The following RASGRF2 variants were observed in gnomAD, a reference collection of about 807,000 sequenced individuals.
The protein encoded by RASGRF2 is ras-specific guanine nucleotide-releasing factor 2.
A neutral mutation model predicts 151.0 loss-of-function variants in RASGRF2; 76 were observed. That is an observed-to-expected ratio of 0.50 (90% CI 0.42 to 0.61). The LOEUF (loss-of-function observed/expected upper bound fraction) is 0.61. Ranked by LOEUF, RASGRF2 falls within the 20% of genes least tolerant of loss-of-function variation. The pLI is 0.00. For synonymous variants in RASGRF2, 504 were observed against 566.5 expected, an observed-to-expected ratio of 0.89 and a Z score of 1.57; for missense variants, 1,148 against 1,564.6, an observed-to-expected ratio of 0.73 and a Z score of 4.49.
At chr5:81,040,216 C>T (rs1193010328) in intron 1 of RASGRF2, among the ~76,000 whole-genome samples, 2 of 151,818 alleles carry the variant, frequency 1.3e-5, no homozygotes, top group African/African-American at 4.8e-5. Flanking sequence ...ATTATATTTC[C>T]CAGGATGATC....
chr5:81,053,987 G>A (rs1331975668), intron 2 of RASGRF2, among the ~76,000 whole-genome samples: 1 of 152,070 alleles, frequency 6.6e-6, no homozygotes, highest in Non-Finnish European at 1.5e-5. Flanking sequence ...GTTTTTTCTT[G>A]TAAATTTGTT....
chr5:81,118,418 G>A (rs906021065), intron 15 of RASGRF2, among the ~76,000 whole-genome samples: 1 of 152,190 alleles, frequency 6.6e-6, no homozygotes, highest in Non-Finnish European at 1.5e-5. Flanking sequence ...AGGAATGTGG[G>A]GAGCAGCCCT....
At chr5:81,031,617 A>G (rs1050220851) in intron 1 of RASGRF2, among the ~76,000 whole-genome samples, 7 of 152,252 alleles carry the variant, frequency 4.6e-5, no homozygotes, top group African/African-American at 1.4e-4. Flanking sequence ...CAAAGACACC[A>G]CATACCCAAA....
At chr5:81,218,412 A>G (rs1199516381) in intron 25 of RASGRF2, among the ~76,000 whole-genome samples, 1 of 152,236 alleles carries the variant, frequency 6.6e-6, no homozygotes. Context: ...ACTCTCCTAC[A>G]TATGGCTTGC....
In RASGRF2 at chr5:81,029,660, C is replaced by A. The variant is rs549506627; in HGVS notation, c.289-13217C>A. On this transcript the variant is annotated intron_variant, in intron 1 of 26. Coordinates refer to ENST00000265080, the MANE Select transcript of RASGRF2 (RefSeq NM_006909.3). ...AACCCCATCTGCACGTCACCATCATCAAAGACCAAAGGTAGATAAAACCAC... is the reference window on the plus strand; with the variant it reads ...AACCCCATCTGCACGTCACCATCATAAAAGACCAAAGGTAGATAAAACCAC... Among the ~76,000 whole-genome samples the A allele has an allele frequency of 4.1e-3, 627 of 152,260 alleles. 6 individuals are homozygous for A. The highest frequency in any genetic ancestry group is 0.01 in the African/African-American group (421 of 41,546).
intron 18 of RASGRF2, among the ~76,000 whole-genome samples, chr5:81,186,069 C>A (rs1321001853): frequency 6.6e-6 from 1 of 152,178 alleles, no homozygotes; most frequent in Non-Finnish European, 1.5e-5. Context: ...AATAGCTCAG[C>A]TGTTATATTT....
chr5:81,068,249 G>A, intron 3 of RASGRF2, 70 bp downstream of exon 3: 2 of 1,526,584 alleles, frequency 1.3e-6, no homozygotes, highest in Non-Finnish European at 1.8e-6. Context: ...ATTACTTAAG[G>A]CCTATTCAGG....
chr5:81,049,429 G>A (rs979949409), intron 2 of RASGRF2, among the ~76,000 whole-genome samples: 3 of 151,860 alleles, frequency 2.0e-5, no homozygotes, highest in Non-Finnish European at 4.4e-5. Context: ...TAGTTTATAG[G>A]GATCTAAGTC....
chr5:81,221,680 G>A (rs758680519), intron 26 of RASGRF2, among the ~76,000 whole-genome samples: 2 of 152,092 alleles, frequency 1.3e-5, no homozygotes, highest in African/African-American at 2.4e-5. Flanking sequence ...GTGAGACCCT[G>A]TCTCTACAAA....
intron 2 of RASGRF2, among the ~76,000 whole-genome samples, chr5:81,060,678 T>C (rs1463328196): frequency 6.6e-6 from 1 of 152,166 alleles, no homozygotes; most frequent in Non-Finnish European, 1.5e-5. Context: ...AAGAATCAAT[T>C]TGGACTCGCA....
At chr5:81,023,026 C>G (rs541975026) in intron 1 of RASGRF2, among the ~76,000 whole-genome samples, 1 of 139,112 alleles carries the variant, frequency 7.2e-6, no homozygotes, top group African/African-American at 2.7e-5. Flanking sequence ...CTGTTGAGTC[C>G]AGATGCACTT....
At chr5:81,091,486 A>G (rs941607656) in intron 9 of RASGRF2, among the ~76,000 whole-genome samples, 1 of 151,756 alleles carries the variant, frequency 6.6e-6, no homozygotes. Context: ...ATAGCTGCCT[A>G]CTCTGTGTCT....
At chr5:81,219,162 TC>T (rs1261811077) in intron 25 of RASGRF2, among the ~76,000 whole-genome samples, 2 of 149,960 alleles carry the variant, frequency 1.3e-5, no homozygotes, top group Non-Finnish European at 3.0e-5. Context: ...CACTGCAACC[TC>T]CACCTTCCGG....
At chr5:81,126,977 G>A (rs763219646) in intron 16 of RASGRF2, 97 bp from the exon 17 acceptor site, 69 of 1,344,574 alleles carry the variant, frequency 5.1e-5, no homozygotes, top group Non-Finnish European at 6.7e-5. Context: ...ATTTGGCCCA[G>A]TCCTTCATCT....
At chr5:81,017,826 A>G (rs549056087) in intron 1 of RASGRF2, among the ~76,000 whole-genome samples, 54 of 151,468 alleles carry the variant, frequency 3.6e-4, no homozygotes, top group African/African-American at 1.3e-3. Flanking sequence ...GACAAGGTGC[A>G]GTGGCTCACG....
intron 1 of RASGRF2, among the ~76,000 whole-genome samples, chr5:81,023,384 G>C (rs1420607169): frequency 6.6e-6 from 1 of 152,192 alleles, no homozygotes; most frequent in Non-Finnish European, 1.5e-5. Flanking sequence ...CAGGTGAAAG[G>C]TTACAGAATA....
intron 18 of RASGRF2, among the ~76,000 whole-genome samples, chr5:81,193,057 C>T (rs1032502485): frequency 1.3e-5 from 2 of 152,160 alleles, no homozygotes; most frequent in Non-Finnish European, 2.9e-5. Flanking sequence ...TTTTCACTTT[C>T]CTTTTAAAAC....
At chr5:81,085,451 C>T (rs1376348342) in intron 7 of RASGRF2, among the ~76,000 whole-genome samples, 1 of 152,108 alleles carries the variant, frequency 6.6e-6, no homozygotes, top group Admixed American at 6.5e-5. Flanking sequence ...AATACAGACT[C>T]AAGTGACTTG....
At chr5:80,983,488 G>A (rs992815247) in intron 1 of RASGRF2, among the ~76,000 whole-genome samples, 1 of 152,206 alleles carries the variant, frequency 6.6e-6, no homozygotes, top group African/African-American at 2.4e-5. Flanking sequence ...AGGGCATTTG[G>A]GTGCAAAGCC....
Sources: gnomAD v4.1 joint callset for allele counts (sites outside exome capture counted in the v4.1 genomes callset) on GRCh38, gnomAD v4.1.1 for gene constraint, MANE v1.5 for transcripts, NCBI Gene and HGNC (gene_info 2026-07-23, HGNC 2026-07-21) for gene names.